Variants in DNM3 observed in about 807,000 individuals in gnomAD.
DNM3 encodes dynamin-3.
DNM3 carries 47 observed loss-of-function variants against 101.6 expected under a neutral mutation model. The ratio of observed to expected loss-of-function variants is 0.46; its 90% CI spans 0.37 to 0.59. The LOEUF is 0.59. Ranked by LOEUF, DNM3 falls within the 20% of genes least tolerant of loss-of-function variation. The pLI is 0.00. For missense variants in DNM3, 849 were observed against 1,085.7 expected (o/e 0.78, Z 3.06); for synonymous variants, 385 against 387.9 (o/e 0.99, Z 0.09).
chr1:172,000,879 AG>A (rs2046317647), intron 4 of DNM3, among the ~76,000 whole-genome samples: 1 of 152,122 alleles, frequency 6.6e-6, no homozygotes, highest in South Asian at 2.1e-4. Flanking sequence ...TAACAATAGT[AG>A]TGTAAGATGA....
chr1:172,010,473 T>G (rs1487082115), intron 4 of DNM3, among the ~76,000 whole-genome samples: 1 of 151,398 alleles, frequency 6.6e-6, no homozygotes, highest in Non-Finnish European at 1.5e-5. Context: ...GAATTTTAGG[T>G]GATAATCTTT....
At position 172,008,334 on chromosome 1, in the gene DNM3, T is replaced by G. The variant is rs146956120; in HGVS notation, c.589+19186T>G. 4.6e-3 allele frequency among the ~76,000 whole-genome samples: 694 copies of G among 152,150 alleles called. 4 individuals carry two copies. Among genetic ancestry groups the G allele is most frequent in the African/African-American group, 0.016 (673 of 41,538 alleles). ...TTCTTCGAGTAGTTTTTTATAATTT[T>G]GGGTATACATTTAAGTCTTTAATCT... On this transcript the variant is annotated intron_variant, in intron 4 of 20. Coordinates refer to ENST00000627582, the MANE Select transcript of DNM3 (RefSeq NM_015569.5).
intron 2 of DNM3, among the ~76,000 whole-genome samples, chr1:171,956,841 G>T (rs756205040): frequency 6.6e-6 from 1 of 152,086 alleles, no homozygotes; most frequent in African/African-American, 2.4e-5. Context: ...CTGTGCCCCC[G>T]CAGACTCAAT....
At chr1:171,986,067 T>G (rs555824746) in intron 2 of DNM3, among the ~76,000 whole-genome samples, 1 of 152,266 alleles carries the variant, frequency 6.6e-6, no homozygotes, top group South Asian at 2.1e-4. Flanking sequence ...TGTTACCCAA[T>G]AGTGGATGGG....
chr1:171,943,881 A>G (rs41476749), intron 2 of DNM3, among the ~76,000 whole-genome samples: 4,233 of 152,268 alleles, frequency 0.028, 197 homozygotes, highest in African/African-American at 0.095. Flanking sequence ...GAGGATTAGA[A>G]TGTCTTGGCT....
intron 2 of DNM3, among the ~76,000 whole-genome samples, chr1:171,923,295 G>A (rs2040322390): frequency 6.6e-6 from 1 of 152,130 alleles, no homozygotes; most frequent in African/African-American, 2.4e-5. Context: ...TGTGCTTAAT[G>A]ATCATTTGTA....
chr1:171,918,730 C>T (rs1379296204), intron 1 of DNM3, among the ~76,000 whole-genome samples: 1 of 152,078 alleles, frequency 6.6e-6, no homozygotes, highest in Non-Finnish European at 1.5e-5. Flanking sequence ...ATTTATTACT[C>T]TTAATGCAAA....
intron 1 of DNM3, among the ~76,000 whole-genome samples, chr1:171,869,855 T>C (rs1156734062): frequency 6.6e-6 from 1 of 152,252 alleles, no homozygotes; most frequent in Non-Finnish European, 1.5e-5. Flanking sequence ...AAGTGGAGAC[T>C]GAAAACTTTT....
At chr1:171,966,397 G>T (rs1475845705) in intron 2 of DNM3, among the ~76,000 whole-genome samples, 2 of 151,852 alleles carry the variant, frequency 1.3e-5, no homozygotes, top group Non-Finnish European at 2.9e-5. Flanking sequence ...CATGGGCAGA[G>T]GGTGGGGTTC....
chr1:171,893,399 T>C (rs1555100), intron 1 of DNM3, among the ~76,000 whole-genome samples: 113,671 of 151,602 alleles, frequency 0.75, 43,358 homozygotes, highest in African/African-American at 0.91. Context: ...TGTCAAAACC[T>C]ATAAAGTAAG....
downstream of DNM3, chr1:172,412,832 A>G (rs2071286707): frequency 1.3e-6 from 1 of 787,244 alleles, no homozygotes; most frequent in Non-Finnish European, 1.5e-6. Flanking sequence ...TTACCAAAGT[A>G]AAGAATGATA....
At chr1:171,919,438 A>G (rs933892121) in intron 1 of DNM3, among the ~76,000 whole-genome samples, 7 of 152,016 alleles carry the variant, frequency 4.6e-5, no homozygotes, top group African/African-American at 1.7e-4. Context: ...TAGTTTCCTG[A>G]GAATGATGGT....
At chr1:172,309,767 T>C (rs1028116234) in intron 16 of DNM3, 1 of 152,216 alleles carries the variant, frequency 6.6e-6, no homozygotes, top group African/African-American at 2.4e-5. Context: ...GGGTGAAACA[T>C]AGGACAATTA....
intron 2 of DNM3, among the ~76,000 whole-genome samples, chr1:171,953,288 A>C (rs1200931113): frequency 6.6e-6 from 1 of 152,178 alleles, no homozygotes; most frequent in Non-Finnish European, 1.5e-5. Flanking sequence ...CCATATGCAC[A>C]CCTTCAATTA....
intron 2 of DNM3, among the ~76,000 whole-genome samples, chr1:171,939,802 C>G (rs183528951): frequency 6.6e-6 from 1 of 152,130 alleles, no homozygotes; most frequent in African/African-American, 2.4e-5. Flanking sequence ...TACTTACCTA[C>G]GCCTTCTTAC....
intron 17 of DNM3, among the ~76,000 whole-genome samples, chr1:172,339,542 A>G (rs1176743761): frequency 6.6e-6 from 1 of 152,184 alleles, no homozygotes; most frequent in Non-Finnish European, 1.5e-5. Context: ...CAGAGGTGTA[A>G]CAAACACTTG....
At chr1:172,385,631 G>A (rs949364923) in intron 18 of DNM3, among the ~76,000 whole-genome samples, 1 of 152,140 alleles carries the variant, frequency 6.6e-6, no homozygotes, top group Non-Finnish European at 1.5e-5. Flanking sequence ...ATGTTTTGAT[G>A]CCTTTAAAAC....
chr1:172,177,938 T>C (rs2059211393), intron 14 of DNM3, among the ~76,000 whole-genome samples: 1 of 151,898 alleles, frequency 6.6e-6, no homozygotes, highest in African/African-American at 2.4e-5. Flanking sequence ...CTTAACGATA[T>C]AATTATATTC....
At chr1:172,378,869 C>A in intron 17 of DNM3, 149 bp from the exon 18 acceptor site, 1 of 885,600 alleles carries the variant, frequency 1.1e-6, no homozygotes, top group Non-Finnish European at 1.7e-6. Flanking sequence ...CCTTTCAGAA[C>A]CAGTGGATGC....
Sources: gnomAD v4.1 joint callset for allele counts (sites outside exome capture counted in the v4.1 genomes callset) on GRCh38, gnomAD v4.1.1 for gene constraint, MANE v1.5 for transcripts, NCBI Gene and HGNC (gene_info 2026-07-23, HGNC 2026-07-21) for gene names.